PGAP2: variants seen among roughly 807,000 people sequenced by gnomAD.
PGAP2 encodes the protein acyltransferase PGAP2.
Under a neutral mutation model 33.2 loss-of-function variants are expected in PGAP2, and 21 were observed. That is an observed-to-expected ratio of 0.63 (90% CI 0.45 to 0.91). The LOEUF (loss-of-function observed/expected upper bound fraction) is 0.91. PGAP2 is among the 40% of genes least tolerant of loss of function. PGAP2 has a pLI of 0.00. For missense variants in PGAP2, 345 were observed against 424.0 expected, an observed-to-expected ratio of 0.81 and a Z score of 1.64; for synonymous variants, 161 against 172.9, an observed-to-expected ratio of 0.93 and a Z score of 0.54.
At chr11:3,814,972 C>G (rs10767619) in intron 2 of PGAP2, among the ~76,000 whole-genome samples, 88,833 of 147,738 alleles carry the variant, frequency 0.6, 29,494 homozygotes, top group East Asian at 0.8. Context: ...GGGTCTTGCT[C>G]TGTTGCCCAG....
chr11:3,822,417 T>C (rs1460351395), intron 3 of PGAP2, among the ~76,000 whole-genome samples: 1 of 151,410 alleles, frequency 6.6e-6, no homozygotes, highest in East Asian at 2.0e-4. Context: ...ATGCCTGTAG[T>C]GCCAGCACTT....
chr11:3,810,936 G>A (rs1014397606), intron 1 of PGAP2, among the ~76,000 whole-genome samples: 1 of 152,212 alleles, frequency 6.6e-6, no homozygotes, highest in Admixed American at 6.5e-5. Flanking sequence ...ATTTAAAGCA[G>A]CTTCTCTAGT....
chr11:3,817,140 C>T (rs1388928778), intron 2 of PGAP2, among the ~76,000 whole-genome samples: 1 of 152,134 alleles, frequency 6.6e-6, no homozygotes, highest in East Asian at 1.9e-4. Context: ...CAGGGGGATT[C>T]CTAAGCTCTG....
At chr11:3,814,094 A>G (rs1273030195) in intron 2 of PGAP2, among the ~76,000 whole-genome samples, 1 of 152,116 alleles carries the variant, frequency 6.6e-6, no homozygotes, top group Non-Finnish European at 1.5e-5. Context: ...TATCCCAGAA[A>G]TGGCCAGCCC....
At chr11:3,817,002 C>G (rs1210238517) in intron 2 of PGAP2, among the ~76,000 whole-genome samples, 1 of 152,182 alleles carries the variant, frequency 6.6e-6, no homozygotes, top group Non-Finnish European at 1.5e-5. Context: ...CTTTCTACCT[C>G]TGACCCTTCT....
At chr11:3,805,020 C>A (rs1000853946), upstream of PGAP2, among the ~76,000 whole-genome samples, 4 of 152,038 alleles carry the variant, frequency 2.6e-5, no homozygotes, top group African/African-American at 9.7e-5. Flanking sequence ...CTTTTTATTT[C>A]TTTTATCTTC....
At chr11:3,808,520 C>G, upstream of PGAP2, 1 of 1,409,372 alleles carries the variant, frequency 7.1e-7, no homozygotes, top group Admixed American at 3.0e-5. Context: ...GCAGTTTCCT[C>G]TCTAAGTTCC....
At chr11:3,805,844 G>A (rs781384656), upstream of PGAP2, among the ~76,000 whole-genome samples, 14 of 151,864 alleles carry the variant, frequency 9.2e-5, no homozygotes, top group African/African-American at 3.1e-4. Context: ...GCGCCATCAC[G>A]CCTAGCTAAT....
At chr11:3,818,424 G>A (rs917458148) in intron 3 of PGAP2, among the ~76,000 whole-genome samples, 5 of 152,034 alleles carry the variant, frequency 3.3e-5, no homozygotes. Flanking sequence ...GAGAGATCAT[G>A]AGAGGAAGGA....
chr11:3,800,508 T>C (rs1440059451), intron 1 of PGAP2, among the ~76,000 whole-genome samples: 1 of 152,096 alleles, frequency 6.6e-6, no homozygotes, highest in Non-Finnish European at 1.5e-5. Context: ...TTTAATTCAG[T>C]TTAATTTAAT....
rs755472726 is a variant in PGAP2 at position 3,824,057 on chromosome 11, C to T, written c.523C>T (p.Arg175Cys). Residue 175 changes from arginine (R) to cysteine (C), a missense_variant, in exon 4 of 7, where the codon CGC becomes TGC. Transcript: ENST00000278243. ...GTGTTCCTGCTATCGCCCGCTCTGC[C>T]GCCTCAACTTCGGCCTCAATGTCGT... ...SPCSCYRPLC[R>C]LNFGLNVVEN... 1.4e-5 allele frequency: 22 copies of T among 1,614,084 alleles called. No homozygotes were observed. Among genetic ancestry groups the T allele is most frequent in the East Asian group, 4.5e-5 (2 of 44,888 alleles).
At chr11:3,805,178 C>T (rs2084107193), upstream of PGAP2, among the ~76,000 whole-genome samples, 1 of 152,026 alleles carries the variant, frequency 6.6e-6, no homozygotes, top group Admixed American at 6.6e-5. Context: ...ATCATAATGA[C>T]CATCATGTAC....
At position 3,823,975 on chromosome 11, in the gene PGAP2, G is replaced by C. The variant is rs756799335; in HGVS notation, c.441G>C (p.Ala147=). 6.2e-7 allele frequency: 1 copy of C among 1,612,492 alleles called. No homozygotes were observed. Among genetic ancestry groups the C allele is most frequent in the Non-Finnish European group, 8.5e-7 (1 of 1,180,004 alleles). ...VWRFCIGLHS[A]PRFLVAFAYW... ...GTTTCTGCATCGGCCTGCACTCGGC[G>C]CCTCGCTTCTTGGTGGCCTTCGCCT... The change falls in exon 4 of 7, where the codon GCG becomes GCC. Residue 147 remains alanine (A), a synonymous_variant. Transcript: ENST00000278243.
intron 3 of PGAP2, among the ~76,000 whole-genome samples, chr11:3,820,221 G>A (rs1176797760): frequency 6.6e-6 from 1 of 152,164 alleles, no homozygotes; most frequent in Non-Finnish European, 1.5e-5. Flanking sequence ...AAGGAGACTT[G>A]GAGGTTCCTG....
rs2089846473 is a variant in PGAP2, at chr11:3,825,388, T to G, written c.878T>G (p.Met293Arg). The change falls in exon 7 of 7, where the codon ATG (methionine) becomes AGG (arginine). Residue 293 changes from methionine to arginine, a missense_variant. Physicochemically the swap from Met to Arg is moderately conservative, Grantham distance 91 (BLOSUM62 -1). This residue lies in a region of PGAP2 where 311 missense variants were observed against 353.6 expected (regional missense o/e 0.88). Transcript: ENST00000278243. ...TVVLTNMAFHMTAWWDFGNKE... is the reference protein window; with the variant it reads ...TVVLTNMAFHRTAWWDFGNKE... ...GTCTTAACCAACATGGCGTTCCACATGACGGCCTGGTGGGACTTCGGGAAC... is the reference window on the plus strand; with the variant it reads ...GTCTTAACCAACATGGCGTTCCACAGGACGGCCTGGTGGGACTTCGGGAAC... 6.2e-7 allele frequency: 1 copy of G among 1,613,872 alleles called. No individual in the cohort carries two copies. The highest frequency in any genetic ancestry group is 1.1e-5 in the South Asian group (1 of 91,070).
At chr11:3,823,250 G>A (rs2135009868) in intron 3 of PGAP2, among the ~76,000 whole-genome samples, 1 of 151,774 alleles carries the variant, frequency 6.6e-6, no homozygotes, top group South Asian at 2.1e-4. Flanking sequence ...TGGCCAGGCT[G>A]GTCTTTAACT....
At chr11:3,802,076 C>CTTTTTTTTTT (rs3061897) in intron 1 of PGAP2, among the ~76,000 whole-genome samples, 4 of 137,154 alleles carry the variant, frequency 2.9e-5, no homozygotes, top group African/African-American at 5.4e-5. Context: ...TTTCCTTTTC[C>CTTTTTTTTTT]TTTTTTTTTT....
upstream of PGAP2, among the ~76,000 whole-genome samples, chr11:3,805,053 G>A (rs1400483471): frequency 1.3e-5 from 2 of 152,022 alleles, no homozygotes; most frequent in African/African-American, 4.8e-5. Context: ...CAAGGTAGGC[G>A]AGGTCTTTCA....
chr11:3,811,175 G>A lies in PGAP2; in HGVS notation c.-10-75G>A. ...AGCACACAGCTAATTTTAGGACTGAGCACAAGGGCTGACTTTATCACTGAG... is the reference window on the plus strand; with the variant it reads ...AGCACACAGCTAATTTTAGGACTGAACACAAGGGCTGACTTTATCACTGAG... On this transcript the variant is annotated intron_variant, in intron 1 of 6. Transcript: ENST00000278243. This position sits in a 1 kb window ranked among gnomAD's most constrained non-coding sequence, Gnocchi z 4.6. 1.4e-6 allele frequency: 2 copies of A among 1,414,338 alleles called. No individual in the cohort carries two copies. The highest frequency in any genetic ancestry group is 1.9e-6 in the Non-Finnish European group (2 of 1,027,150). The allele number at this position is 1,414,338 out of a possible 1,614,324, so 87.6% of individuals were successfully genotyped here.
Sources: gnomAD v4.1 joint callset for allele counts (sites outside exome capture counted in the v4.1 genomes callset) on GRCh38, gnomAD v4.1.1 for gene constraint, gnomAD v4.1.1 regional missense constraint, Gnocchi (gnomAD v3.1) non-coding constraint, MANE v1.5 for transcripts, NCBI Gene and HGNC (gene_info 2026-07-23, HGNC 2026-07-21) for gene names.